The following PRKCE variants were observed in gnomAD, a reference collection of about 807,000 sequenced individuals.
PRKCE encodes the protein protein kinase C epsilon type.
In PRKCE, 16 loss-of-function variants were observed where a neutral mutation model predicts 85.4. That is an observed-to-expected ratio of 0.19 (90% CI 0.13 to 0.28). The LOEUF (loss-of-function observed/expected upper bound fraction) is 0.28. PRKCE is among the 10% of genes least tolerant of loss of function. The pLI is 1.00. For missense variants in PRKCE, 573 were observed against 975.2 expected (o/e 0.59, Z 5.49); for synonymous variants, 388 against 371.5 (o/e 1.04, Z -0.51).
intron 1 of PRKCE, among the ~76,000 whole-genome samples, chr2:45,724,302 C>G (rs1244635055): frequency 1.3e-5 from 2 of 152,110 alleles, no homozygotes; most frequent in African/African-American, 4.8e-5. Flanking sequence ...GTGAATTGCC[C>G]CCATATAAGA....
At chr2:45,711,211 G>A (rs1385284029) in intron 1 of PRKCE, among the ~76,000 whole-genome samples, 1 of 152,204 alleles carries the variant, frequency 6.6e-6, no homozygotes, top group Non-Finnish European at 1.5e-5. Flanking sequence ...TAGCTATAAA[G>A]CAGGGAGAAA....
chr2:46,061,568 C>T (rs539968571), intron 10 of PRKCE, among the ~76,000 whole-genome samples: 4 of 152,284 alleles, frequency 2.6e-5, no homozygotes, highest in African/African-American at 9.6e-5. Flanking sequence ...TAGAATCCTT[C>T]CTTAATATGA....
intron 2 of PRKCE, among the ~76,000 whole-genome samples, chr2:45,902,918 G>A (rs140878098): frequency 7.9e-5 from 12 of 152,278 alleles, no homozygotes; most frequent in African/African-American, 2.2e-4. Flanking sequence ...GACTACTCAG[G>A]CCTTTGTATG....
chr2:46,034,914 A>G (rs988884125), intron 10 of PRKCE, among the ~76,000 whole-genome samples: 2 of 152,258 alleles, frequency 1.3e-5, no homozygotes, highest in Admixed American at 6.5e-5. Context: ...GCTTGTTGGC[A>G]TGCACTGCCT....
rs774638997 is a variant in PRKCE at position 46,184,790 on chromosome 2, T to C, written c.2123T>C (p.Val708Ala). ...FDQDFTREEP[V>A]LTLVDEAIVK... ...CAAGACTTTACCCGGGAAGAGCCGG[T>C]ACTCACCCTTGTGGACGAAGCAATT... Residue 708 changes from valine (V) to alanine (A), a missense_variant, in exon 15 of 15, where the codon GTA becomes GCA. By Grantham distance (64) the Val-to-Ala change is moderately conservative. This residue lies in a region of PRKCE where 45 missense variants were observed against 39.1 expected (regional missense o/e 1.15). Coordinates refer to ENST00000306156, the MANE Select transcript of PRKCE (RefSeq NM_005400.3). The surrounding 1 kb of genome is among the most constrained non-coding windows in gnomAD (Gnocchi z 5.0). The C allele has an allele frequency of 3.1e-6, 5 of 1,599,766 alleles. No individual in the cohort carries two copies. In the South Asian group the frequency reaches 5.5e-5, roughly 18 times the overall value.
chr2:45,938,637 C>T (rs531850498), intron 2 of PRKCE, among the ~76,000 whole-genome samples: 1 of 152,190 alleles, frequency 6.6e-6, no homozygotes, highest in Admixed American at 6.5e-5. Context: ...TTATGGGTCC[C>T]TTCTCTTTTG....
chr2:46,065,164 A>G (rs914428892), intron 10 of PRKCE, among the ~76,000 whole-genome samples: 2 of 152,080 alleles, frequency 1.3e-5, no homozygotes, highest in African/African-American at 4.8e-5. Flanking sequence ...GTGGTAATGT[A>G]ATTTCTGGAT....
At chr2:46,124,961 C>G (rs1162768696) in intron 11 of PRKCE, among the ~76,000 whole-genome samples, 1 of 152,118 alleles carries the variant, frequency 6.6e-6, no homozygotes, top group Non-Finnish European at 1.5e-5. Flanking sequence ...AAGGGATGGC[C>G]TATCTCAAAG....
chr2:46,154,624 T>C (rs1677019497), intron 13 of PRKCE, among the ~76,000 whole-genome samples: 1 of 152,064 alleles, frequency 6.6e-6, no homozygotes, highest in African/African-American at 2.4e-5. Flanking sequence ...CTGGGTCTCC[T>C]CTGGCATTGG....
intron 2 of PRKCE, among the ~76,000 whole-genome samples, chr2:45,952,948 G>A (rs953803508): frequency 3.9e-5 from 6 of 152,174 alleles, no homozygotes; most frequent in African/African-American, 7.2e-5. Context: ...TGTCTTAAGC[G>A]GTAGGCTGAG....
At chr2:46,181,908 A>G (rs1339577172) in intron 14 of PRKCE, among the ~76,000 whole-genome samples, 1 of 152,078 alleles carries the variant, frequency 6.6e-6, no homozygotes. Context: ...GTTAGGAGAG[A>G]TGGTGAAGGC....
intron 1 of PRKCE, among the ~76,000 whole-genome samples, chr2:45,745,223 C>A (rs768628859): frequency 1.3e-5 from 2 of 152,140 alleles, no homozygotes; most frequent in African/African-American, 4.8e-5. Context: ...CTTCCTGCAG[C>A]GACTGAGACA....
chr2:45,921,756 C>T (rs1310222043), intron 2 of PRKCE, among the ~76,000 whole-genome samples: 2 of 152,144 alleles, frequency 1.3e-5, no homozygotes, highest in Admixed American at 1.3e-4. Context: ...TCTGCGAGAC[C>T]TTTGAGGGGA....
intron 1 of PRKCE, among the ~76,000 whole-genome samples, chr2:45,679,534 G>C (rs17033984): frequency 0.033 from 5,025 of 152,242 alleles, 257 homozygotes; most frequent in African/African-American, 0.12. Context: ...AGACAATATG[G>C]ACAGGAAGTA....
chr2:45,695,690 T>C (rs942334632), intron 1 of PRKCE, among the ~76,000 whole-genome samples: 1 of 152,194 alleles, frequency 6.6e-6, no homozygotes, highest in Non-Finnish European at 1.5e-5. Flanking sequence ...GGAGAATTCT[T>C]GAACCCGGAG....
chr2:45,829,761 C>G (rs1664270960), intron 1 of PRKCE, among the ~76,000 whole-genome samples: 1 of 152,162 alleles, frequency 6.6e-6, no homozygotes, highest in Admixed American at 6.5e-5. Flanking sequence ...TATGGAAGGG[C>G]CTAACTTTCA....
intron 2 of PRKCE, among the ~76,000 whole-genome samples, chr2:45,927,070 A>G (rs952750298): frequency 6.6e-6 from 1 of 152,022 alleles, no homozygotes; most frequent in Non-Finnish European, 1.5e-5. Context: ...TAGAATGTGC[A>G]TATGTGCACA....
intron 1 of PRKCE, among the ~76,000 whole-genome samples, chr2:45,807,573 C>A (rs1201487903): frequency 6.6e-6 from 1 of 152,222 alleles, no homozygotes; most frequent in Non-Finnish European, 1.5e-5. Context: ...TTCCTCCAGA[C>A]AAATCATGAC....
chr2:45,856,391 C>T lies in PRKCE; in HGVS notation c.412+13328C>T, dbSNP rs144108990. The stretch of plus-strand genomic sequence containing the variant: ...GATTACAGGCATCTGCCACCACACC[C>T]GGTTAACTTTTATATTTTTGGTAGA... On this transcript the variant is annotated intron_variant, in intron 2 of 14. Coordinates refer to ENST00000306156, the MANE Select transcript of PRKCE (RefSeq NM_005400.3). 1.8e-3 allele frequency among the ~76,000 whole-genome samples: 281 copies of T among 152,198 alleles called. 2 individuals are homozygous for T. Among genetic ancestry groups the T allele is most frequent in the African/African-American group, 6.4e-3 (264 of 41,542 alleles).
Sources: gnomAD v4.1 joint callset for allele counts (sites outside exome capture counted in the v4.1 genomes callset) on GRCh38, gnomAD v4.1.1 for gene constraint, gnomAD v4.1.1 regional missense constraint, Gnocchi (gnomAD v3.1) non-coding constraint, MANE v1.5 for transcripts, NCBI Gene and HGNC (gene_info 2026-07-23, HGNC 2026-07-21) for gene names.